Variants in NBEA observed in about 807,000 individuals in gnomAD.
NBEA encodes lysosomal-trafficking regulator 2.
Under a neutral mutation model 343.4 loss-of-function variants are expected in NBEA, and 44 were observed. The observed-to-expected ratio is 0.13, with a 90% CI of 0.10 to 0.16. NBEA has a LOEUF of 0.16. NBEA is among the 10% of genes least tolerant of loss of function. NBEA has a pLI of 1.00. For missense variants in NBEA, 2,555 were observed against 3,631.3 expected (o/e 0.70, Z 7.62); for synonymous variants, 1,175 against 1,238.7 (o/e 0.95, Z 1.08).
At chr13:35,181,258 G>A (rs117428421) in intron 28 of NBEA, among the ~76,000 whole-genome samples, 6,673 of 151,756 alleles carry the variant, frequency 0.044, 169 homozygotes, top group South Asian at 0.079. Context: ...TGTTTTCCAC[G>A]GTGGTTGTAC....
At chr13:35,094,476 A>G (rs1211110119) in intron 10 of NBEA, among the ~76,000 whole-genome samples, 5 of 152,082 alleles carry the variant, frequency 3.3e-5, no homozygotes, top group South Asian at 2.1e-4. Flanking sequence ...GCGTTGTCTA[A>G]AAGTGACTGC....
At chr13:35,371,268 G>T (rs923906507) in intron 38 of NBEA, among the ~76,000 whole-genome samples, 1 of 151,910 alleles carries the variant, frequency 6.6e-6, no homozygotes, top group Non-Finnish European at 1.5e-5. Context: ...TAGTAGCTTT[G>T]TGATGTGTGT....
intron 38 of NBEA, among the ~76,000 whole-genome samples, chr13:35,365,298 T>C (rs576001401): frequency 1.9e-4 from 29 of 151,846 alleles, no homozygotes; most frequent in African/African-American, 6.5e-4. Flanking sequence ...CTCACAAATA[T>C]TAAACTACTT....
At position 35,188,152 on chromosome 13, in the gene NBEA, TTATG is replaced by T. The variant is rs535249815; in HGVS notation, c.4927+4085_4927+4088del. Among the ~76,000 whole-genome samples, 404 of 152,270 alleles carry T rather than the reference TTATG, an allele frequency of 2.7e-3. 3 individuals carry two copies. The highest frequency in any genetic ancestry group is 0.02 in the South Asian group (95 of 4,828). The stretch of plus-strand genomic sequence containing the variant: ...TAATCATAACTAACTTTTTTTTAGT[TTATG>T]TATTTATGGTGTACAATGTGATATA... On this transcript the variant is annotated intron_variant, in intron 30 of 58. Transcript: ENST00000379939.
chr13:35,432,413 C>A lies in NBEA; in HGVS notation c.6304+20C>A, dbSNP rs374922422. ...AATATGGTTAGTACCAATGCTTCTT[C>A]CACAAAAATACTTCTGGATGTGAGG... On this transcript the variant is annotated intron_variant, in intron 39 of 58. Coordinates refer to ENST00000379939, the MANE Select transcript of NBEA (RefSeq NM_001385012.1). The A allele has an allele frequency of 1.3e-6, 2 of 1,537,610 alleles. No homozygotes were observed. Among genetic ancestry groups the A allele is most frequent in the African/African-American group, 2.8e-5 (2 of 72,456 alleles).
intron 38 of NBEA, among the ~76,000 whole-genome samples, chr13:35,360,130 G>A (rs1403235840): frequency 6.6e-6 from 1 of 151,914 alleles, no homozygotes; most frequent in African/African-American, 2.4e-5. Flanking sequence ...AGGTTGATCT[G>A]ACCTAAAGCT....
chr13:35,022,223 A>T (rs1384023837), intron 1 of NBEA, among the ~76,000 whole-genome samples: 1 of 152,152 alleles, frequency 6.6e-6, no homozygotes, highest in Non-Finnish European at 1.5e-5. Context: ...TAAAGCCATT[A>T]TAAAGGTGGT....
intron 16 of NBEA, among the ~76,000 whole-genome samples, chr13:35,119,845 T>C (rs1405583660): frequency 1.3e-5 from 2 of 152,218 alleles, no homozygotes; most frequent in Non-Finnish European, 2.9e-5. Context: ...TGCCTTGGTC[T>C]CCCAAAGTGC....
intron 41 of NBEA, among the ~76,000 whole-genome samples, chr13:35,480,332 A>C (rs1319510720): frequency 6.6e-6 from 1 of 152,116 alleles, no homozygotes; most frequent in African/African-American, 2.4e-5. Context: ...GAAATACAAG[A>C]ATGCAATATT....
At chr13:35,106,367 C>G (rs1003505173) in intron 11 of NBEA, among the ~76,000 whole-genome samples, 7 of 151,944 alleles carry the variant, frequency 4.6e-5, no homozygotes, top group African/African-American at 1.7e-4. Context: ...CTTCTTTCTT[C>G]TTTTCCCAGG....
intron 41 of NBEA, among the ~76,000 whole-genome samples, chr13:35,518,617 T>C (rs552961504): frequency 6.6e-6 from 1 of 152,186 alleles, no homozygotes; most frequent in Non-Finnish European, 1.5e-5. Flanking sequence ...ATGGTTAGAA[T>C]GGTATTACTT....
At chr13:35,091,014 GGA>G (rs2065053276) in intron 10 of NBEA, among the ~76,000 whole-genome samples, 1 of 151,916 alleles carries the variant, frequency 6.6e-6, no homozygotes, top group Non-Finnish European at 1.5e-5. Flanking sequence ...GACAACTCTG[GGA>G]GAAATCCTCT....
At chr13:35,003,913 A>G (rs1162872185) in intron 1 of NBEA, among the ~76,000 whole-genome samples, 1 of 152,094 alleles carries the variant, frequency 6.6e-6, no homozygotes, top group African/African-American at 2.4e-5. Flanking sequence ...CGCATTAGCC[A>G]TTTATCCTGA....
intron 38 of NBEA, among the ~76,000 whole-genome samples, chr13:35,425,494 G>T (rs1195912578): frequency 3.3e-5 from 5 of 152,178 alleles, no homozygotes; most frequent in African/African-American, 7.2e-5. Flanking sequence ...TAGTTTGATT[G>T]CACTGCGGTC....
chr13:35,372,858 T>G (rs1036303903), intron 38 of NBEA, among the ~76,000 whole-genome samples: 5 of 152,118 alleles, frequency 3.3e-5, no homozygotes, highest in African/African-American at 1.2e-4. Context: ...CAGGGGCTGT[T>G]GGGCCACAGG....
intron 1 of NBEA, among the ~76,000 whole-genome samples, chr13:35,007,167 A>AT (rs1247821605): frequency 6.6e-6 from 1 of 152,074 alleles, no homozygotes; most frequent in African/African-American, 2.4e-5. Flanking sequence ...GGCCTTGAAA[A>AT]TTTGTTTGTA....
intron 34 of NBEA, among the ~76,000 whole-genome samples, chr13:35,286,377 G>C: frequency 6.6e-6 from 1 of 152,040 alleles, no homozygotes; most frequent in East Asian, 1.9e-4. Flanking sequence ...AGCAATCATA[G>C]ATGTCTGTCA....
At chr13:35,262,742 C>A (rs940646349) in intron 34 of NBEA, among the ~76,000 whole-genome samples, 1 of 152,102 alleles carries the variant, frequency 6.6e-6, no homozygotes, top group Admixed American at 6.6e-5. Context: ...GGTGGCAAAA[C>A]ACAGTGCATG....
chr13:35,405,177 T>C (rs17815638), intron 38 of NBEA, among the ~76,000 whole-genome samples: 5,334 of 152,324 alleles, frequency 0.035, 138 homozygotes, highest in Non-Finnish European at 0.053. Flanking sequence ...CAAAAATACA[T>C]GCACTTTAGT....
Sources: allele counts gnomAD v4.1 joint callset (sites outside exome capture counted in the v4.1 genomes callset), GRCh38; gene constraint gnomAD v4.1.1; transcripts MANE v1.5; gene names NCBI Gene and HGNC (gene_info 2026-07-23, HGNC 2026-07-21).